Variants in ICE2 observed in about 807,000 individuals in gnomAD.
ICE2 encodes the protein interactor of little elongation complex ELL subunit 2.
In ICE2, 87 loss-of-function variants were observed where a neutral mutation model predicts 105.4. The observed-to-expected ratio is 0.83, with a 90% CI of 0.69 to 0.99. The LOEUF is 0.99. Among genes scored for constraint, ICE2 ranks in the 50% least tolerant of loss-of-function variants. ICE2 has a pLI of 0.00. For synonymous variants in ICE2, 399 were observed against 392.0 expected (o/e 1.02, Z -0.21); for missense variants, 1,323 against 1,146.7 (o/e 1.15, Z -2.22).
At chr15:60,478,866 G>C in intron 1 of ICE2, 137 bp downstream of exon 1, 1 of 434,048 alleles carries the variant, frequency 2.3e-6, no homozygotes, top group African/African-American at 2.0e-5. Context: ...GCAGGGGTAG[G>C]AGCCGCGCAG....
chr15:60,468,078 C>T lies in ICE2; in HGVS notation c.391G>A (p.Asp131Asn). ...NSKAVGINKN[D>N]YLQYLDMKKH... ...ATACATACCAAGTACTGCAAGTAGT[C>T]ATTTTTATTTATTCCAACAGCTTTG... is the stretch of plus-strand genomic sequence containing the variant. The change falls in exon 4 of 16, where the codon GAC (aspartate) becomes AAC (asparagine). Residue 131 changes from aspartate to asparagine, a missense_variant. Transcript: ENST00000261520. 2 of 1,612,240 alleles carry T rather than the reference C, an allele frequency of 1.2e-6. No homozygotes were observed. Among genetic ancestry groups the T allele is most frequent in the South Asian group, 2.2e-5 (2 of 90,414 alleles).
chr15:60,478,417 T>C (rs1295564334), intron 1 of ICE2, among the ~76,000 whole-genome samples: 1 of 152,246 alleles, frequency 6.6e-6, no homozygotes, highest in Non-Finnish European at 1.5e-5. Flanking sequence ...ATCTTTTGTT[T>C]TCCCGACCAT....
chr15:60,471,948 G>C (rs920815875), intron 3 of ICE2, among the ~76,000 whole-genome samples: 3 of 151,692 alleles, frequency 2.0e-5, no homozygotes, highest in Admixed American at 1.3e-4. Flanking sequence ...ATTTTCCTAA[G>C]TTAAACGTGT....
chr15:60,446,398 T>C (rs1016470232), intron 11 of ICE2, among the ~76,000 whole-genome samples: 1 of 152,116 alleles, frequency 6.6e-6, no homozygotes, highest in South Asian at 2.1e-4. Context: ...GTTGGCACTT[T>C]TTAAAAATTT....
chr15:60,454,188 A>C (rs2064038591), intron 8 of ICE2, among the ~76,000 whole-genome samples: 2 of 152,190 alleles, frequency 1.3e-5, no homozygotes, highest in Admixed American at 1.3e-4. Context: ...ATGCTGTGAC[A>C]TATATTAACT....
At chr15:60,428,379 G>A in intron 15 of ICE2, 50 bp downstream of exon 15, 1 of 1,560,788 alleles carries the variant, frequency 6.4e-7, no homozygotes, top group Non-Finnish European at 8.7e-7. Flanking sequence ...CAGTGAAATA[G>A]ACGAATAATA....
At chr15:60,435,814 A>C (rs914217865) in intron 13 of ICE2, among the ~76,000 whole-genome samples, 2 of 152,104 alleles carry the variant, frequency 1.3e-5, no homozygotes, top group Non-Finnish European at 2.9e-5. Flanking sequence ...CGTCTCCACA[A>C]AAAATACAAA....
chr15:60,449,984 A>C (rs2063924213), intron 9 of ICE2, 143 bp from the exon 10 acceptor site: 1 of 659,062 alleles, frequency 1.5e-6, no homozygotes. Flanking sequence ...GTTCTTGTTT[A>C]AGATGACAAC....
At chr15:60,450,448 T>C (rs1369105193) in intron 9 of ICE2, among the ~76,000 whole-genome samples, 1 of 152,218 alleles carries the variant, frequency 6.6e-6, no homozygotes, top group African/African-American at 2.4e-5. Flanking sequence ...AATATTGTTT[T>C]TCATGTACTG....
At chr15:60,445,664 C>T in intron 11 of ICE2, 3 of 984,918 alleles carry the variant, frequency 3.0e-6, no homozygotes, top group Non-Finnish European at 2.4e-6. Context: ...CAAATTTCAC[C>T]TTAGTCAAGT....
At chr15:60,473,700 G>T (rs979426401) in intron 3 of ICE2, among the ~76,000 whole-genome samples, 1 of 152,020 alleles carries the variant, frequency 6.6e-6, no homozygotes, top group African/African-American at 2.4e-5. Flanking sequence ...TCTTTAATTG[G>T]TAGTAAGTTT....
chr15:60,426,233 T>C (rs1193869901), intron 15 of ICE2, among the ~76,000 whole-genome samples: 2 of 152,114 alleles, frequency 1.3e-5, no homozygotes, highest in Admixed American at 6.5e-5. Context: ...AGCTGAAAAA[T>C]TTCTATCATC....
intron 4 of ICE2, among the ~76,000 whole-genome samples, chr15:60,467,290 C>T (rs1268685306): frequency 1.3e-5 from 2 of 151,472 alleles, no homozygotes; most frequent in African/African-American, 4.9e-5. Context: ...GACATACATC[C>T]GAATAGAAAA....
chr15:60,461,468 T>C (rs985722807), intron 5 of ICE2, among the ~76,000 whole-genome samples: 2 of 152,154 alleles, frequency 1.3e-5, no homozygotes, highest in Non-Finnish European at 2.9e-5. Flanking sequence ...TAAAATTGTT[T>C]TAAAAATTAA....
chr15:60,420,433 A>G lies in ICE2; in HGVS notation c.*3201T>C, dbSNP rs1175852097. ...ATTTCTTCTTTCGCTTCCCAGCTCC[A>G]TCGCATTCTCTAGACTAATGCCAAC... On this transcript the variant is annotated 3_prime_UTR_variant, in exon 16 of 16. Transcript: ENST00000261520. The G allele has an allele frequency of 2.0e-5, 3 of 152,188 alleles. No individual in the cohort carries two copies. Among genetic ancestry groups the G allele is most frequent in the Non-Finnish European group, 4.4e-5 (3 of 68,054 alleles). The allele number at this position is 152,188 out of a possible 1,614,324, so 9.4% of individuals were successfully genotyped here. A position where few individuals can be genotyped will look rare whatever the true frequency, so the allele number is the denominator to read the frequency against.
chr15:60,468,028 T>C, intron 4 of ICE2, 33 bp downstream of exon 4: 1 of 1,481,366 alleles, frequency 6.8e-7, no homozygotes, highest in Non-Finnish European at 9.0e-7. Context: ...ATTTTTATTA[T>C]TTTTTCCTGA....
At chr15:60,478,775 G>A (rs1380692604) in intron 1 of ICE2, 2 of 354,934 alleles carry the variant, frequency 5.6e-6, no homozygotes, top group Admixed American at 6.9e-5. Flanking sequence ...GTCGAGGAAG[G>A]CAAAAGAAAC....
chr15:60,442,688 T>C, intron 11 of ICE2, 143 bp from the exon 12 acceptor site: 1 of 610,238 alleles, frequency 1.6e-6, no homozygotes, highest in South Asian at 2.3e-5. Context: ...ATTCACACTG[T>C]AAGATGGATA....
chr15:60,442,270 G>A, intron 12 of ICE2, 146 bp downstream of exon 12: 4 of 679,342 alleles, frequency 5.9e-6, no homozygotes, highest in Non-Finnish European at 9.5e-6. Flanking sequence ...TCCAGCCTGG[G>A]CAACAGAATG....
Sources: gnomAD v4.1 joint callset for allele counts (sites outside exome capture counted in the v4.1 genomes callset) on GRCh38, gnomAD v4.1.1 for gene constraint, MANE v1.5 for transcripts, NCBI Gene and HGNC (gene_info 2026-07-23, HGNC 2026-07-21) for gene names.